PTPRH: variants seen among roughly 807,000 people sequenced by gnomAD.
The protein encoded by PTPRH is receptor-type tyrosine-protein phosphatase H.
Under a neutral mutation model 130.2 loss-of-function variants are expected in PTPRH, and 113 were observed. That is an observed-to-expected ratio of 0.87 (90% CI 0.75 to 1.01). PTPRH has a LOEUF of 1.01. Ranked by LOEUF, PTPRH falls within the 50% of genes least tolerant of loss-of-function variation. PTPRH has a pLI of 0.00. For missense variants in PTPRH, 1,430 were observed against 1,425.0 expected (o/e 1.00, Z -0.06); for synonymous variants, 556 against 577.9 (o/e 0.96, Z 0.54).
At chr19:55,192,712 T>C (rs996101212) in intron 10 of PTPRH, among the ~76,000 whole-genome samples, 3 of 151,238 alleles carry the variant, frequency 2.0e-5, no homozygotes, top group Non-Finnish European at 4.4e-5. Flanking sequence ...CCACCACTCC[T>C]GGCTAATTTT....
In PTPRH at chr19:55,185,977, C is replaced by G. The variant is rs760142180; in HGVS notation, c.2786G>C (p.Cys929Ser). The G allele has an allele frequency of 1.2e-6, 2 of 1,613,940 alleles. No individual in the cohort carries two copies. The highest frequency in any genetic ancestry group is 1.7e-6 in the Non-Finnish European group (2 of 1,179,888). ...CGAGTCCAGAGGCCAGTAATGCTCACACTTCACCTGGGGGAGGAGGAGGGG... is the reference window on the plus strand; with the variant it reads ...CGAGTCCAGAGGCCAGTAATGCTCAGACTTCACCTGGGGGAGGAGGAGGGG... ...TNCMEAGRVK[C>S]EHYWPLDSQP... The change falls in exon 17 of 20, where the codon TGT (cysteine) becomes TCT (serine). Residue 929 changes from cysteine (C) to serine (S), a missense_variant. Physicochemically the swap from Cys to Ser is moderately radical, Grantham distance 112. Transcript: ENST00000376350.
At chr19:55,201,532 C>G (rs1464011313) in intron 6 of PTPRH, among the ~76,000 whole-genome samples, 2 of 152,206 alleles carry the variant, frequency 1.3e-5, no homozygotes, top group Non-Finnish European at 2.9e-5. Context: ...AAATGTGAAA[C>G]TGAATTTGCA....
intron 4 of PTPRH, among the ~76,000 whole-genome samples, chr19:55,204,413 A>AT (rs1297376446): frequency 1.3e-5 from 2 of 152,136 alleles, no homozygotes; most frequent in African/African-American, 4.8e-5. Flanking sequence ...CCAAGTGGGC[A>AT]TTTTTGATCA....
intron 3 of PTPRH, 34 bp from the exon 4 acceptor site, chr19:55,205,626 A>G (rs1239986857): frequency 6.2e-7 from 1 of 1,610,086 alleles, no homozygotes; most frequent in African/African-American, 1.3e-5. Context: ...AATCAGTTGT[A>G]GTTTCTGGCC....
Position 55,185,501 on chromosome 19 carries a change from C to A in PTPRH, c.3062+1G>T, listed in dbSNP as rs541804480. 5.6e-6 allele frequency: 9 copies of A among 1,613,998 alleles called. No individual in the cohort carries two copies. Among genetic ancestry groups the A allele is most frequent in the Non-Finnish European group, 7.6e-6 (9 of 1,179,974 alleles). On this transcript the variant is annotated splice_donor_variant, in intron 18 of 19. Transcript: ENST00000376350. LOFTEE classifies it high-confidence loss of function. Reference sequence around the variant, plus strand: ...GGAGAGGGTCCTGGGCTGGTCCCCACCTGCAGTGCACAATGGGTGGGCCTC... The same window carrying A: ...GGAGAGGGTCCTGGGCTGGTCCCCAACTGCAGTGCACAATGGGTGGGCCTC...
Position 55,207,175 on chromosome 19 carries a change from T to A in PTPRH, c.76A>T (p.Arg26Trp), listed in dbSNP as rs950550736. The A allele has an allele frequency of 6.2e-7, 1 of 1,613,416 alleles. No individual in the cohort carries two copies. Among genetic ancestry groups the A allele is most frequent in the Admixed American group, 1.7e-5 (1 of 59,966 alleles). Residue 26 changes from arginine to tryptophan, a missense_variant, in exon 2 of 20, where the codon AGG (arginine) becomes TGG (tryptophan). By Grantham distance (101) the Arg-to-Trp change is moderately radical (BLOSUM62 -3). Coordinates refer to ENST00000376350, the MANE Select transcript of PTPRH (RefSeq NM_002842.5). ...GGCAGGGGTCACTCACCAGGCGCCC[T>A]GGCCCCTGTCCAGCTGCACAGGCCC... ...LLGLCSWTGA[R>W]APAPNPGRNL...
chr19:55,206,833 C>G lies in PTPRH; in HGVS notation c.208G>C (p.Asp70His). 6.2e-7 allele frequency: 1 copy of G among 1,614,204 alleles called. No individual in the cohort carries two copies. Among genetic ancestry groups the G allele is most frequent in the Non-Finnish European group, 8.5e-7 (1 of 1,180,042 alleles). ...NSNYWVQCTG[D>H]GGTTETRNTT... ...TTTCGAGTCTCTGTTGTGCCGCCGT[C>G]TCCAGTACACTGAACCCAGTAGTTG... Residue 70 changes from aspartate to histidine, a missense_variant, in exon 3 of 20, where the codon GAC (aspartate) becomes CAC (histidine). Asp to His is a moderately conservative substitution (Grantham distance 81). Coordinates refer to ENST00000376350, the MANE Select transcript of PTPRH (RefSeq NM_002842.5).
At position 55,191,508 on chromosome 19, in the gene PTPRH, C is replaced by T. The variant is rs768010176; in HGVS notation, c.2377G>A (p.Val793Ile). The change falls in exon 12 of 20, where the codon GTC becomes ATC. Residue 793 changes from valine to isoleucine, a missense_variant. By Grantham distance (29) the Val-to-Ile change is conservative. Coordinates refer to ENST00000376350, the MANE Select transcript of PTPRH (RefSeq NM_002842.5). ...KQQKPELRDL[V>I]FSSPGDIPAE... ...CCCAGACCTTCTGCTCACCTAAAGA[C>T]CAGATCCCTGAGTTCTGGTTTCTGC... The T allele has an allele frequency of 3.7e-6, 6 of 1,614,030 alleles. No homozygotes were observed. The Admixed American group carries it at 1.0e-4, about 27-fold the overall frequency.
intron 16 of PTPRH, 42 bp downstream of exon 16, chr19:55,186,183 G>T (rs1280751580): frequency 1.3e-6 from 2 of 1,587,534 alleles, no homozygotes. Flanking sequence ...GTTCGGGGCG[G>T]GGTCCTGCAC....
intron 16 of PTPRH, 36 bp downstream of exon 16, chr19:55,186,189 T>TGCACCCAGTCA: frequency 6.3e-7 from 1 of 1,593,526 alleles, no homozygotes; most frequent in South Asian, 1.1e-5. Flanking sequence ...GGCGGGGTCC[T>TGCACCCAGTCA]GCACCCAGTC....
chr19:55,206,953 G>A lies in PTPRH; in HGVS notation c.88C>T (p.Pro30Ser). 5.7e-6 allele frequency: 9 copies of A among 1,590,276 alleles called. No homozygotes were observed. Among genetic ancestry groups the A allele is most frequent in the Middle Eastern group, 3.4e-4 (2 of 5,926 alleles). The stretch of plus-strand genomic sequence containing the variant: ...ACTGTCAGGTTCCTCCCTGGGTTGG[G>A]GGCTGAGAATTGGGAAGGAAGGTCT... ...CSWTGARAPA[P>S]NPGRNLTVET... Residue 30 changes from proline to serine, a missense_variant and splice_region_variant, in exon 3 of 20, where the codon CCC becomes TCC. Coordinates refer to ENST00000376350, the MANE Select transcript of PTPRH (RefSeq NM_002842.5).
chr19:55,206,949 T>G lies in PTPRH; in HGVS notation c.92A>C (p.Asn31Thr). Residue 31 changes from asparagine (N) to threonine (T), a missense_variant, in exon 3 of 20, where the codon AAC (asparagine) becomes ACC (threonine). Transcript: ENST00000376350. The stretch of plus-strand genomic sequence containing the variant: ...CTCCACTGTCAGGTTCCTCCCTGGG[T>G]TGGGGGCTGAGAATTGGGAAGGAAG... ...SWTGARAPAP[N>T]PGRNLTVETQ... 6.3e-7 allele frequency: 1 copy of G among 1,592,644 alleles called. No individual in the cohort carries two copies.
At chr19:55,189,147 G>A (rs933831651) in intron 12 of PTPRH, among the ~76,000 whole-genome samples, 9 of 152,154 alleles carry the variant, frequency 5.9e-5, no homozygotes, top group Middle Eastern at 3.4e-3. Flanking sequence ...CACCATGCCC[G>A]GCTAATTTTT....
chr19:55,184,925 C>G (rs992065803), intron 18 of PTPRH, among the ~76,000 whole-genome samples: 1 of 152,128 alleles, frequency 6.6e-6, no homozygotes, highest in Non-Finnish European at 1.5e-5. Context: ...GTGGCCACAT[C>G]CCCATCCTGT....
chr19:55,207,490 C>T (rs1255469912), intron 1 of PTPRH, among the ~76,000 whole-genome samples: 4 of 152,076 alleles, frequency 2.6e-5, no homozygotes, highest in African/African-American at 9.7e-5. Context: ...CTTGGAAAAC[C>T]GAGGGCAGAG....
At position 55,191,518 on chromosome 19, in the gene PTPRH, G is replaced by C. The variant is rs750866040; in HGVS notation, c.2367C>G (p.Leu789=). 45 of 1,614,036 alleles carry C rather than the reference G, an allele frequency of 2.8e-5. No homozygotes were observed. Among genetic ancestry groups the C allele is most frequent in the Non-Finnish European group, 2.9e-5 (34 of 1,180,036 alleles). Residue 789 remains leucine, a synonymous_variant, in exon 12 of 20, where the codon CTC becomes CTG. Transcript: ENST00000376350. ...CTGCTCACCTAAAGACCAGATCCCT[G>C]AGTTCTGGTTTCTGCTGCTTCTTCT... ...RNKKKQQKPE[L]RDLVFSSPGD... is the part of the protein sequence containing the mutation.
At chr19:55,185,823 G>A in intron 17 of PTPRH, 39 bp downstream of exon 17, 1 of 1,613,808 alleles carries the variant, frequency 6.2e-7, no homozygotes, top group Non-Finnish European at 8.5e-7. Flanking sequence ...TATGTCACAG[G>A]GGAAGGCTGA....
Position 55,198,746 on chromosome 19 carries a change from G to A in PTPRH, c.1587C>T (p.Asp529=). 2 of 1,614,194 alleles carry A rather than the reference G, an allele frequency of 1.2e-6. No individual in the cohort carries two copies. Among genetic ancestry groups the A allele is most frequent in the Non-Finnish European group, 8.5e-7 (1 of 1,180,028 alleles). Residue 529 remains aspartate, a synonymous_variant, in exon 8 of 20, where the codon GAC becomes GAT. Coordinates refer to ENST00000376350, the MANE Select transcript of PTPRH (RefSeq NM_002842.5). ...CAGCTTCCAGTTCCTTTAGGGTGAT[G>A]TCAGTACCTGAGGTGCTTTGGGTCC... ...DPRTQSTSGT[D]ITLKELEAGS...
chr19:55,194,425 G>T (rs2086628583), intron 10 of PTPRH: 3 of 1,000,706 alleles, frequency 3.0e-6, no homozygotes, highest in Non-Finnish European at 3.9e-6. Context: ...AGGGATCCTT[G>T]TTACTAAGGG....
Sources: allele counts gnomAD v4.1 joint callset (sites outside exome capture counted in the v4.1 genomes callset), GRCh38; gene constraint gnomAD v4.1.1; transcripts MANE v1.5; gene names NCBI Gene and HGNC (gene_info 2026-07-23, HGNC 2026-07-21).